The following FARS2 variants were observed in gnomAD, a reference collection of about 807,000 sequenced individuals.
FARS2 encodes the protein phenylalanine--tRNA ligase, mitochondrial.
A neutral mutation model predicts 46.4 loss-of-function variants in FARS2; 40 were observed. The ratio of observed to expected loss-of-function variants is 0.86; its 90% CI spans 0.67 to 1.12. The LOEUF is 1.12. Ranked by LOEUF, FARS2 falls within the 50% of genes most tolerant of loss-of-function variation. FARS2 has a pLI of 0.00. For missense variants in FARS2, 513 were observed against 567.9 expected (o/e 0.90, Z 0.98); for synonymous variants, 234 against 214.9 (o/e 1.09, Z -0.78).
intron 1 of FARS2, among the ~76,000 whole-genome samples, chr6:5,291,721 G>A (rs1430926386): frequency 1.3e-5 from 2 of 151,438 alleles, no homozygotes; most frequent in African/African-American, 2.4e-5. Flanking sequence ...TTGAGCCACT[G>A]CAAGCCAGTA....
At chr6:5,300,429 T>G (rs932467918) in intron 1 of FARS2, among the ~76,000 whole-genome samples, 2 of 152,220 alleles carry the variant, frequency 1.3e-5, no homozygotes, top group African/African-American at 4.8e-5. Flanking sequence ...TATTTTGTTT[T>G]TTTTCAAAGA....
intron 6 of FARS2, among the ~76,000 whole-genome samples, chr6:5,722,229 C>T (rs1759958107): frequency 6.6e-6 from 1 of 152,042 alleles, no homozygotes; most frequent in South Asian, 2.1e-4. Context: ...GGCAATACAG[C>T]GAAAAGGGCA....
chr6:5,432,559 A>G (rs1763287624), intron 4 of FARS2, among the ~76,000 whole-genome samples: 1 of 143,122 alleles, frequency 7.0e-6, no homozygotes, highest in African/African-American at 2.6e-5. Flanking sequence ...ATCCTCCAAA[A>G]AAAAAAGGGA....
intron 1 of FARS2, among the ~76,000 whole-genome samples, chr6:5,269,167 G>T (rs1765766426): frequency 6.6e-6 from 1 of 152,204 alleles, no homozygotes; most frequent in African/African-American, 2.4e-5. Context: ...CATAAAAACG[G>T]ATGAGTTCAT....
At chr6:5,307,770 GTT>G (rs937060355) in intron 1 of FARS2, among the ~76,000 whole-genome samples, 5 of 151,776 alleles carry the variant, frequency 3.3e-5, no homozygotes, top group African/African-American at 1.2e-4. Context: ...AGTTGTAGTG[GTT>G]AGAAAGGAGT....
At chr6:5,493,209 C>CAAAAAAAAAAA (rs34541325) in intron 4 of FARS2, among the ~76,000 whole-genome samples, 4 of 92,806 alleles carry the variant, frequency 4.3e-5, no homozygotes, top group Non-Finnish European at 6.5e-5. Context: ...GACTGTGTCT[C>CAAAAAAAAAAA]AAAAAAAAAA....
At chr6:5,315,341 TAA>T (rs139301972) in intron 1 of FARS2, among the ~76,000 whole-genome samples, 8,447 of 152,280 alleles carry the variant, frequency 0.055, 271 homozygotes, top group Middle Eastern at 0.13. Flanking sequence ...GGCTTTGGTA[TAA>T]AGTTTTCCCA....
At chr6:5,265,124 C>T (rs1227083314) in intron 1 of FARS2, among the ~76,000 whole-genome samples, 6 of 151,830 alleles carry the variant, frequency 4.0e-5, no homozygotes, top group Admixed American at 6.6e-5. Flanking sequence ...ACAGTTGCTG[C>T]GATATGAGTA....
intron 4 of FARS2, among the ~76,000 whole-genome samples, chr6:5,436,025 C>G (rs925154905): frequency 6.9e-6 from 1 of 144,092 alleles, no homozygotes; most frequent in East Asian, 2.0e-4. Context: ...CAGCATTGCT[C>G]CTGCTTTTGA....
At chr6:5,521,645 C>T (rs1205562789) in intron 4 of FARS2, among the ~76,000 whole-genome samples, 1 of 152,152 alleles carries the variant, frequency 6.6e-6, no homozygotes, top group East Asian at 1.9e-4. Context: ...ATGCAGGAAA[C>T]TAACTAAAAT....
rs192311941 is a variant in FARS2 at position 5,276,716 on chromosome 6, A to G, written c.-22+15056A>G. On this transcript the variant is annotated intron_variant, in intron 1 of 6. Coordinates refer to ENST00000274680, the MANE Select transcript of FARS2 (RefSeq NM_006567.5). The stretch of plus-strand genomic sequence containing the variant: ...CTGATGTGGTTCCCTGGGCAGTAGG[A>G]GACTGGGACTGTGGGTTGTTCTCTG... Among the ~76,000 whole-genome samples the G allele has an allele frequency of 2.5e-3, 378 of 152,218 alleles. 1 individual carries two copies. Among genetic ancestry groups the G allele is most frequent in the Admixed American group, 4.6e-3 (71 of 15,300 alleles).
At position 5,272,904 on chromosome 6, in the gene FARS2, A is replaced by G. The variant is rs1010425060; in HGVS notation, c.-22+11244A>G. ...AGCTCCGACATACGAGTAAGAACATATGGTATTTGTCTTTCTGTGCTTGGC... is the reference window on the plus strand; with the variant it reads ...AGCTCCGACATACGAGTAAGAACATGTGGTATTTGTCTTTCTGTGCTTGGC... On this transcript the variant is annotated intron_variant, in intron 1 of 6. Coordinates refer to ENST00000274680, the MANE Select transcript of FARS2 (RefSeq NM_006567.5). Among the ~76,000 whole-genome samples the G allele has an allele frequency of 1.3e-5, 2 of 152,170 alleles. 1 individual carries two copies. Among genetic ancestry groups the G allele is most frequent in the Admixed American group, 1.3e-4 (2 of 15,282 alleles).
At chr6:5,724,021 G>A (rs1455540935) in intron 6 of FARS2, among the ~76,000 whole-genome samples, 4 of 152,202 alleles carry the variant, frequency 2.6e-5, no homozygotes, top group African/African-American at 7.2e-5. Context: ...GAGTGGGCTC[G>A]GCGGGAAAGG....
intron 5 of FARS2, among the ~76,000 whole-genome samples, chr6:5,572,361 C>G (rs572745412): frequency 6.6e-6 from 1 of 152,172 alleles, no homozygotes; most frequent in South Asian, 2.1e-4. Context: ...CAAGAATTCA[C>G]TCACTTTTAC....
the FARS2 span, among the ~76,000 whole-genome samples, chr6:5,250,839 A>G: frequency 6.6e-6 from 1 of 152,190 alleles, no homozygotes; most frequent in African/African-American, 2.4e-5. Flanking sequence ...AGTGAAAGCA[A>G]TTTTTACAGA....
rs190616213 is a variant in FARS2 at position 5,383,508 on chromosome 6, A to G, written c.612+14326A>G. Among the ~76,000 whole-genome samples, 53 of 152,342 alleles carry G rather than the reference A, an allele frequency of 3.5e-4. 1 individual carries two copies. The highest frequency in any genetic ancestry group is 6.2e-4 in the Non-Finnish European group (42 of 68,034). ...AACTCAGCCTCTGGTGACCTTAGAT[A>G]AGTTCTTTAACGTTAACACTCTGAA... is the stretch of plus-strand genomic sequence containing the variant. On this transcript the variant is annotated intron_variant, in intron 2 of 6. Coordinates refer to ENST00000274680, the MANE Select transcript of FARS2 (RefSeq NM_006567.5).
chr6:5,275,207 C>T (rs1213562317), intron 1 of FARS2, among the ~76,000 whole-genome samples: 1 of 152,092 alleles, frequency 6.6e-6, no homozygotes, highest in Admixed American at 6.5e-5. Flanking sequence ...AGCTTTTTTG[C>T]ACTGAAGGAC....
chr6:5,660,238 T>A (rs533654269), intron 6 of FARS2, among the ~76,000 whole-genome samples: 11 of 152,346 alleles, frequency 7.2e-5, no homozygotes, highest in Non-Finnish European at 1.6e-4. Flanking sequence ...ACGTGGCTGA[T>A]GTTCTCAAAG....
chr6:5,754,681 A>C (rs1284881805), intron 6 of FARS2, among the ~76,000 whole-genome samples: 1 of 152,236 alleles, frequency 6.6e-6, no homozygotes, highest in Non-Finnish European at 1.5e-5. Flanking sequence ...CTAAAATAAC[A>C]GCTTAGCTGG....
Sources: allele counts gnomAD v4.1 joint callset (sites outside exome capture counted in the v4.1 genomes callset), GRCh38; gene constraint gnomAD v4.1.1; transcripts MANE v1.5; gene names NCBI Gene and HGNC (gene_info 2026-07-23, HGNC 2026-07-21).